Variants in COL22A1 observed in about 807,000 individuals in gnomAD.
COL22A1 encodes collagen type XXII alpha 1 chain.
Under a neutral mutation model 248.9 loss-of-function variants are expected in COL22A1, and 221 were observed. The observed-to-expected ratio is 0.89, with a 90% CI of 0.80 to 0.99. COL22A1 has a LOEUF of 0.99. Ranked by LOEUF, COL22A1 falls within the 50% of genes least tolerant of loss-of-function variation. The pLI is 0.00. For missense variants in COL22A1, 2,240 were observed against 2,179.0 expected (o/e 1.03, Z -0.56); for synonymous variants, 891 against 793.4 (o/e 1.12, Z -2.07).
intron 30 of COL22A1, among the ~76,000 whole-genome samples, chr8:138,709,410 T>G (rs1263315971): frequency 6.6e-6 from 1 of 152,080 alleles, no homozygotes; most frequent in Non-Finnish European, 1.5e-5. Context: ...AATGATAGAC[T>G]GGATTAAGAA....
intron 10 of COL22A1, among the ~76,000 whole-genome samples, chr8:138,805,958 GTGTA>G (rs1318934457): frequency 4.3e-5 from 6 of 140,874 alleles, no homozygotes; most frequent in Non-Finnish European, 7.7e-5. Context: ...ATATTATGGT[GTGTA>G]TGTGTGATAG....
intron 1 of COL22A1, among the ~76,000 whole-genome samples, chr8:138,893,457 A>G (rs1283499200): frequency 2.0e-5 from 3 of 152,238 alleles, no homozygotes; most frequent in African/African-American, 7.2e-5. Context: ...ATATATAAAA[A>G]GCCTAAAATG....
intron 47 of COL22A1, among the ~76,000 whole-genome samples, chr8:138,645,286 C>T (rs554893329): frequency 1.6e-4 from 24 of 152,274 alleles, no homozygotes; most frequent in African/African-American, 5.8e-4. Flanking sequence ...CGCCTCTTCC[C>T]ACCTCTTTAT....
chr8:138,909,113 C>T (rs112212696), intron 1 of COL22A1, among the ~76,000 whole-genome samples: 5 of 152,304 alleles, frequency 3.3e-5, no homozygotes, highest in South Asian at 2.1e-4. Context: ...TGTGATCACC[C>T]TTAATGTATA....
chr8:138,706,690 G>C (rs1488158506), intron 30 of COL22A1, among the ~76,000 whole-genome samples: 2 of 152,166 alleles, frequency 1.3e-5, no homozygotes, highest in Non-Finnish European at 2.9e-5. Flanking sequence ...AAGCAGGAAA[G>C]ATCTAAAATT....
intron 26 of COL22A1, 39 bp from the exon 27 acceptor site, chr8:138,720,831 C>G: frequency 6.0e-6 from 9 of 1,503,424 alleles, no homozygotes; most frequent in Non-Finnish European, 7.4e-6. Flanking sequence ...GGAGACGGGC[C>G]ATGCTTGGAT....
intron 12 of COL22A1, among the ~76,000 whole-genome samples, chr8:138,788,146 G>T (rs1042111628): frequency 1.3e-5 from 2 of 152,144 alleles, no homozygotes; most frequent in Non-Finnish European, 2.9e-5. Context: ...CTCACCTGGG[G>T]TTGCGTTAGA....
At chr8:138,831,258 T>G (rs560281451) in intron 5 of COL22A1, among the ~76,000 whole-genome samples, 2 of 152,312 alleles carry the variant, frequency 1.3e-5, no homozygotes, top group South Asian at 4.1e-4. Context: ...AAAGCCAGTC[T>G]TTGCCAGACT....
At chr8:138,698,178 G>T (rs956226570) in intron 32 of COL22A1, among the ~76,000 whole-genome samples, 1 of 152,206 alleles carries the variant, frequency 6.6e-6, no homozygotes, top group Non-Finnish European at 1.5e-5. Context: ...GGCAGGGGGA[G>T]GCAATACATG....
chr8:138,716,769 C>T (rs1829466588), intron 28 of COL22A1, 56 bp downstream of exon 28: 4 of 1,233,042 alleles, frequency 3.2e-6, no homozygotes, highest in Admixed American at 3.4e-5. Flanking sequence ...CAAGATGTAG[C>T]GTATAACAAT....
At chr8:138,648,876 G>A (rs908474491) in intron 46 of COL22A1, among the ~76,000 whole-genome samples, 8 of 152,094 alleles carry the variant, frequency 5.3e-5, no homozygotes, top group Non-Finnish European at 1.2e-4. Flanking sequence ...ACTAAGTATT[G>A]CTTATCTTGA....
At chr8:138,824,556 T>C (rs1365275090) in intron 6 of COL22A1, among the ~76,000 whole-genome samples, 1 of 152,186 alleles carries the variant, frequency 6.6e-6, no homozygotes, top group Non-Finnish European at 1.5e-5. Context: ...ACAAGACTTA[T>C]TGAAACCCAG....
chr8:138,844,777 C>A (rs1001269795), intron 3 of COL22A1, among the ~76,000 whole-genome samples: 1 of 151,844 alleles, frequency 6.6e-6, no homozygotes, highest in Admixed American at 6.6e-5. Context: ...GGTGAAACCC[C>A]GTCTCTACTA....
intron 4 of COL22A1, among the ~76,000 whole-genome samples, chr8:138,843,662 A>G (rs954513905): frequency 6.6e-6 from 1 of 152,174 alleles, no homozygotes; most frequent in African/African-American, 2.4e-5. Context: ...CTGGGTCTGC[A>G]GTCACGTGTC....
intron 30 of COL22A1, among the ~76,000 whole-genome samples, chr8:138,708,503 C>A (rs142941883): frequency 0.043 from 6,588 of 152,262 alleles, 193 homozygotes; most frequent in East Asian, 0.12. Flanking sequence ...ACCATCTGAT[C>A]TTTGACAAAC....
At chr8:138,712,004 T>C (rs1210058263) in intron 30 of COL22A1, among the ~76,000 whole-genome samples, 1 of 152,162 alleles carries the variant, frequency 6.6e-6, no homozygotes, top group Non-Finnish European at 1.5e-5. Flanking sequence ...ATCTATCAAG[T>C]GGGGATGTTG....
chr8:138,643,028 T>TA (rs113537470), intron 47 of COL22A1, among the ~76,000 whole-genome samples: 1,904 of 130,566 alleles, frequency 0.015, 13 homozygotes, highest in Non-Finnish European at 0.021. Context: ...GACTCTATCT[T>TA]AAAAAAAAAA....
rs1826787483 is a variant in COL22A1, at chr8:138,690,826, T to C, written c.2803A>G (p.Ser935Gly). 1 of 1,609,546 alleles carries C rather than the reference T, an allele frequency of 6.2e-7. No individual in the cohort carries two copies. The highest frequency in any genetic ancestry group is 1.7e-5 in the Admixed American group (1 of 59,514). Residue 935 changes from serine (S) to glycine (G), a missense_variant, in exon 36 of 65, where the codon AGT (serine) becomes GGT (glycine). By Grantham distance (56) the Ser-to-Gly change is moderately conservative. Transcript: ENST00000303045. ...GCCCTCTCCCAATTACTCACCACAC[T>C]TCCTGGAGGGCCACTGGGACCGGGG... is the stretch of plus-strand genomic sequence containing the variant. The part of the protein sequence containing the change: ...GAPGPSGPPG[S>G]VGAPGLRGTP...
chr8:138,835,837 C>CAG (rs3074103), intron 4 of COL22A1, among the ~76,000 whole-genome samples: 85,014 of 151,832 alleles, frequency 0.56, 24,182 homozygotes, highest in East Asian at 0.66. Context: ...ATAATAATAA[C>CAG]AGTGTAGTAG....
Sources: gnomAD v4.1 joint callset for allele counts (sites outside exome capture counted in the v4.1 genomes callset) on GRCh38, gnomAD v4.1.1 for gene constraint, MANE v1.5 for transcripts, NCBI Gene and HGNC (gene_info 2026-07-23, HGNC 2026-07-21) for gene names.